HSPA14: variants seen among roughly 807,000 people sequenced by gnomAD.
HSPA14 encodes heat shock 70 kDa protein 14.
HSPA14 carries 37 observed loss-of-function variants against 65.5 expected under a neutral mutation model. The observed-to-expected ratio is 0.56, with a 90% CI of 0.43 to 0.74. The LOEUF is 0.74. HSPA14 is among the 30% of genes least tolerant of loss of function. The pLI is 0.00. For missense variants in HSPA14, 564 were observed against 607.6 expected (o/e 0.93, Z 0.75); for synonymous variants, 203 against 214.2 (o/e 0.95, Z 0.46).
chr10:14,843,134 A>C (rs143891052), intron 3 of HSPA14, among the ~76,000 whole-genome samples: 1 of 152,284 alleles, frequency 6.6e-6, no homozygotes, highest in African/African-American at 2.4e-5. Context: ...GTAGGTCTAG[A>C]GTGGGTTGGA....
At chr10:14,867,593 G>A in intron 11 of HSPA14, 143 bp from the exon 12 acceptor site, 2 of 713,766 alleles carry the variant, frequency 2.8e-6, no homozygotes, top group Non-Finnish European at 4.7e-6. Flanking sequence ...AGTGAAGTAG[G>A]ATTAAGGATT....
intron 3 of HSPA14, among the ~76,000 whole-genome samples, 178 bp downstream of exon 3, chr10:14,840,335 TCTCTGATATGGGATTCA>T (rs1390829384): frequency 6.6e-6 from 1 of 152,204 alleles, no homozygotes; most frequent in Admixed American, 6.5e-5. Context: ...TGTTGGATCT[TCTCTGATATGGGATTCA>T]CTCAGATGTT....
intron 12 of HSPA14, among the ~76,000 whole-genome samples, chr10:14,869,034 G>C (rs1016061798): frequency 2.0e-5 from 3 of 151,866 alleles, no homozygotes; most frequent in Non-Finnish European, 1.5e-5. Context: ...TTTTAGTAGA[G>C]ACAGGGTTTC....
chr10:14,864,041 C>T (rs1422730123), intron 10 of HSPA14, among the ~76,000 whole-genome samples: 2 of 151,506 alleles, frequency 1.3e-5, no homozygotes, highest in South Asian at 2.1e-4. Flanking sequence ...GTTGCTGGCA[C>T]CTTAATCTTG....
At chr10:14,868,478 A>G (rs1040223559) in intron 12 of HSPA14, among the ~76,000 whole-genome samples, 4 of 152,018 alleles carry the variant, frequency 2.6e-5, no homozygotes, top group Admixed American at 1.3e-4. Flanking sequence ...ACTTAGAAAC[A>G]TGTCTGAGAA....
chr10:14,842,743 G>A lies in HSPA14; in HGVS notation c.221+2586G>A. The A allele has an allele frequency of 1.3e-6, 2 of 1,536,552 alleles. No homozygotes were observed. The stretch of plus-strand genomic sequence containing the variant: ...AGGCAGCTGATCATCAGCCTATCTT[G>A]AAAACAGTTAAGGCATCAGATGAGG... On this transcript the variant is annotated intron_variant, in intron 3 of 13. Transcript: ENST00000378372. This position sits in a 1 kb window ranked among gnomAD's most constrained non-coding sequence, Gnocchi z 5.2.
chr10:14,846,113 C>G, intron 3 of HSPA14: 1 of 982,238 alleles, frequency 1.0e-6, no homozygotes, highest in Non-Finnish European at 1.2e-6. Flanking sequence ...CCACACCAGA[C>G]ATATAGACTC....
chr10:14,838,457 A>G lies in HSPA14; in HGVS notation c.55A>G (p.Lys19Glu), dbSNP rs758533180. 1.2e-6 allele frequency: 2 copies of G among 1,604,218 alleles called. No homozygotes were observed. Among genetic ancestry groups the G allele is most frequent in the Non-Finnish European group, 1.7e-6 (2 of 1,177,404 alleles). The stretch of plus-strand genomic sequence containing the variant: ...CACCTCAGCCTGTGTGGCCGTCTAT[A>G]AGGTGAGGGGCTGCGGAGCTGGGCT... ...GCTSACVAVY[K>E]DGRAGVVAND... is the part of the protein sequence containing the mutation. Residue 19 changes from lysine to glutamate, a missense_variant and splice_region_variant, in exon 1 of 14, where the codon AAG becomes GAG. Transcript: ENST00000378372.
chr10:14,846,275 G>A lies in HSPA14; in HGVS notation c.222-2334G>A, dbSNP rs41284453. ...TTCTGGAAACACAGAAGTACTTGACGGAGAGTTAGGCCTGTATTCTATAAA... is the reference window on the plus strand; with the variant it reads ...TTCTGGAAACACAGAAGTACTTGACAGAGAGTTAGGCCTGTATTCTATAAA... On this transcript the variant is annotated intron_variant, in intron 3 of 13. Transcript: ENST00000378372. 6.0e-3 allele frequency: 5,946 copies of A among 985,356 alleles called. 28 individuals carry two copies. The highest frequency in any genetic ancestry group is 0.017 in the Middle Eastern group (33 of 1,914). The allele number at this position is 985,356 out of a possible 1,614,324, so 61.0% of individuals were successfully genotyped here.
chr10:14,856,308 A>G (rs1355037804), intron 10 of HSPA14, among the ~76,000 whole-genome samples: 1 of 152,188 alleles, frequency 6.6e-6, no homozygotes, highest in Non-Finnish European at 1.5e-5. Flanking sequence ...CCCCAAGGTA[A>G]GCACTATTAT....
At chr10:14,848,439 A>G (rs1313015624) in intron 3 of HSPA14, among the ~76,000 whole-genome samples, 170 bp from the exon 4 acceptor site, 1 of 152,198 alleles carries the variant, frequency 6.6e-6, no homozygotes, top group Non-Finnish European at 1.5e-5. Flanking sequence ...TAAATACTCC[A>G]TTTCTATCTT....
chr10:14,850,315 C>T (rs1397589242), intron 6 of HSPA14, among the ~76,000 whole-genome samples: 1 of 150,468 alleles, frequency 6.6e-6, no homozygotes, highest in Non-Finnish European at 1.5e-5. Flanking sequence ...ATATGGTGTA[C>T]CTTCAGCTGT....
intron 10 of HSPA14, among the ~76,000 whole-genome samples, chr10:14,863,591 C>T (rs1309058627): frequency 1.3e-5 from 2 of 152,192 alleles, no homozygotes; most frequent in African/African-American, 4.8e-5. Flanking sequence ...CACCTCCCTT[C>T]TTCTTGTGTC....
intron 3 of HSPA14, chr10:14,843,682 C>T (rs1302707095): frequency 2.6e-6 from 4 of 1,544,908 alleles, no homozygotes; most frequent in Non-Finnish European, 3.5e-6. Context: ...GCGATTGGCA[C>T]GAGAACTCTC....
At chr10:14,862,461 G>A (rs1832759010) in intron 10 of HSPA14, among the ~76,000 whole-genome samples, 2 of 144,358 alleles carry the variant, frequency 1.4e-5, no homozygotes, top group African/African-American at 5.2e-5. Context: ...TGCAAGCTCC[G>A]CCTCCCAGGT....
chr10:14,854,069 C>A, intron 8 of HSPA14, 56 bp from the exon 9 acceptor site: 1 of 1,441,576 alleles, frequency 6.9e-7, no homozygotes, highest in Non-Finnish European at 9.4e-7. Flanking sequence ...ATCTTAGTTA[C>A]AATATTGTAA....
chr10:14,864,075 G>A (rs879412857), intron 10 of HSPA14, among the ~76,000 whole-genome samples: 1 of 151,890 alleles, frequency 6.6e-6, no homozygotes, highest in African/African-American at 2.4e-5. Context: ...AAAGTTGGCT[G>A]GGTATGGTGA....
chr10:14,843,404 C>G (rs1449079182), intron 3 of HSPA14: 1 of 1,550,882 alleles, frequency 6.4e-7, no homozygotes, highest in South Asian at 1.2e-5. Context: ...TACAGCAGCT[C>G]CCACAGCCTT....
rs1246010475 is a variant in HSPA14, at chr10:14,842,912, CTGTT to C, written c.221+2758_221+2761del. The C allele has an allele frequency of 3.5e-6, 4 of 1,144,620 alleles. No homozygotes were observed. The highest frequency in any genetic ancestry group is 3.1e-5 in the African/African-American group (2 of 64,150). The allele number at this position is 1,144,620 out of a possible 1,614,324, so 70.9% of individuals were successfully genotyped here. On this transcript the variant is annotated intron_variant, in intron 3 of 13. Coordinates refer to ENST00000378372, the MANE Select transcript of HSPA14 (RefSeq NM_016299.4). The surrounding 1 kb of genome is among the most constrained non-coding windows in gnomAD (Gnocchi z 5.2). ...TGTGGCTCTAAACATTTAGCTGTGTCTGTTTGGATAGTGTCCTCTTCAGCATAGT... is the reference window on the plus strand; with the variant it reads ...TGTGGCTCTAAACATTTAGCTGTGTCTGGATAGTGTCCTCTTCAGCATAGT...
Sources: allele counts gnomAD v4.1 joint callset (sites outside exome capture counted in the v4.1 genomes callset), GRCh38; gene constraint gnomAD v4.1.1; non-coding constraint Gnocchi (gnomAD v3.1); transcripts MANE v1.5; gene names NCBI Gene and HGNC (gene_info 2026-07-23, HGNC 2026-07-21).